Variants in GPR149 observed in about 807,000 individuals in gnomAD.
GPR149 encodes probable G protein-coupled receptor 149.
In GPR149, 50 loss-of-function variants were observed where a neutral mutation model predicts 50.2. That is an observed-to-expected ratio of 1.00 (90% CI 0.79 to 1.26). The LOEUF is 1.26. Among genes scored for constraint, GPR149 ranks in the 50% most tolerant of loss-of-function variants. The pLI, the probability that GPR149 is intolerant of heterozygous loss-of-function variation, is 0.00. For synonymous variants in GPR149, 405 were observed against 358.2 expected (o/e 1.13, Z -1.48); for missense variants, 983 against 895.4 (o/e 1.10, Z -1.25).
At chr3:154,400,043 G>GCGA (rs1711511427) in intron 3 of GPR149, among the ~76,000 whole-genome samples, 1 of 152,124 alleles carries the variant, frequency 6.6e-6, no homozygotes, top group Non-Finnish European at 1.5e-5. Flanking sequence ...CTGGAGTGCG[G>GCGA]TGGCGCGATC....
At chr3:154,410,532 G>C (rs1363245705) in intron 3 of GPR149, among the ~76,000 whole-genome samples, 1 of 152,150 alleles carries the variant, frequency 6.6e-6, no homozygotes, top group Non-Finnish European at 1.5e-5. Flanking sequence ...AAGTGAGCAA[G>C]AGTAGCTATT....
chr3:154,373,592 T>G (rs1397139010), intron 3 of GPR149, among the ~76,000 whole-genome samples: 1 of 152,246 alleles, frequency 6.6e-6, no homozygotes, highest in Non-Finnish European at 1.5e-5. Context: ...AGTCATCAGA[T>G]GTTTTTGTTC....
chr3:154,421,051 T>A lies in GPR149; in HGVS notation c.1611A>T (p.Arg537Ser). Residue 537 changes from arginine (R) to serine (S), a missense_variant, in exon 3 of 4, where the codon AGA (arginine) becomes AGT (serine). Coordinates refer to ENST00000389740, the MANE Select transcript of GPR149 (RefSeq NM_001038705.3). ...DWEWCRSKSE[R>S]TPRQRSGYAL... ...ACTTTTACTGTACCTGACGAGGGGTTCTTTCTGATTTACTCCTACACCACT... is the reference window on the plus strand; with the variant it reads ...ACTTTTACTGTACCTGACGAGGGGTACTTTCTGATTTACTCCTACACCACT... 1.2e-6 allele frequency: 2 copies of A among 1,603,396 alleles called. No homozygotes were observed. Among genetic ancestry groups the A allele is most frequent in the Non-Finnish European group, 1.7e-6 (2 of 1,175,594 alleles).
chr3:154,382,881 A>G (rs1714961983), intron 3 of GPR149, among the ~76,000 whole-genome samples: 1 of 152,238 alleles, frequency 6.6e-6, no homozygotes, highest in Non-Finnish European at 1.5e-5. Context: ...TGAATTAGTC[A>G]TTCAAAAAAT....
intron 3 of GPR149, among the ~76,000 whole-genome samples, chr3:154,414,201 G>A (rs986790168): frequency 3.3e-5 from 5 of 151,900 alleles, no homozygotes; most frequent in East Asian, 3.9e-4. Flanking sequence ...TGCACATTGG[G>A]TACAGTGTAC....
At chr3:154,384,310 A>G (rs900000314) in intron 3 of GPR149, among the ~76,000 whole-genome samples, 1 of 152,234 alleles carries the variant, frequency 6.6e-6, no homozygotes, top group African/African-American at 2.4e-5. Context: ...GAACACCTCA[A>G]GCATAAAAAG....
intron 2 of GPR149, among the ~76,000 whole-genome samples, chr3:154,423,148 G>A (rs1712193713): frequency 6.6e-6 from 1 of 151,898 alleles, no homozygotes; most frequent in South Asian, 2.1e-4. Context: ...ACAAGGGGCA[G>A]TGTGAGGTAG....
intron 2 of GPR149, among the ~76,000 whole-genome samples, chr3:154,423,449 C>T (rs1712201546): frequency 6.6e-6 from 1 of 151,734 alleles, no homozygotes; most frequent in Non-Finnish European, 1.5e-5. Context: ...TTAATGGAAG[C>T]AGAATTACAC....
Position 154,428,892 on chromosome 3 carries a change from G to A in GPR149, c.724C>T (p.Pro242Ser). ...GAAACCACTCTCCCCGCAGTAGGAGGGGTCCCAGGAATTGAAGCTCCACGG... is the reference window on the plus strand; with the variant it reads ...GAAACCACTCTCCCCGCAGTAGGAGAGGTCCCAGGAATTGAAGCTCCACGG... ...ISRGASIPGT[P>S]PTAGRVVSLS... Residue 242 changes from proline to serine, a missense_variant, in exon 1 of 4, where the codon CCT (proline) becomes TCT (serine). Pro to Ser is a moderately conservative substitution (Grantham distance 74). Transcript: ENST00000389740. 1 of 1,614,012 alleles carries A rather than the reference G, an allele frequency of 6.2e-7. No individual in the cohort carries two copies. Among genetic ancestry groups the A allele is most frequent in the Non-Finnish European group, 8.5e-7 (1 of 1,179,960 alleles).
rs372249234 is a variant in GPR149 at position 154,421,427 on chromosome 3, A to G, written c.1235T>C (p.Ile412Thr). 8 of 1,605,086 alleles carry G rather than the reference A, an allele frequency of 5.0e-6. No individual in the cohort carries two copies. In the South Asian group the frequency reaches 7.8e-5, roughly 16 times the overall value. ...SFQKSYGIYKIAHEDYYDDDE... is the reference protein window; with the variant it reads ...SFQKSYGIYKTAHEDYYDDDE... ...ATCATCATAGTAATCTTCATGTGCTATTTTATAAATCCCATAACTTTTTTG... is the reference window on the plus strand; with the variant it reads ...ATCATCATAGTAATCTTCATGTGCTGTTTTATAAATCCCATAACTTTTTTG... Residue 412 changes from isoleucine to threonine, a missense_variant, in exon 3 of 4, where the codon ATA becomes ACA. By Grantham distance (89) the Ile-to-Thr change is moderately conservative. Transcript: ENST00000389740.
intron 3 of GPR149, among the ~76,000 whole-genome samples, chr3:154,417,148 G>GGT (rs769550321): frequency 6.6e-6 from 1 of 151,894 alleles, no homozygotes; most frequent in Non-Finnish European, 1.5e-5. Context: ...GAGTCATACT[G>GGT]GTGGCTATCA....
At chr3:154,367,096 G>C (rs1347240374) in intron 3 of GPR149, among the ~76,000 whole-genome samples, 1 of 152,130 alleles carries the variant, frequency 6.6e-6, no homozygotes, top group African/African-American at 2.4e-5. Flanking sequence ...GAGACTACAC[G>C]CTGCTTCTGA....
chr3:154,418,038 T>A (rs1240221423), intron 3 of GPR149, among the ~76,000 whole-genome samples: 2 of 150,748 alleles, frequency 1.3e-5, no homozygotes, highest in Non-Finnish European at 3.0e-5. Flanking sequence ...AGAAGACATT[T>A]ATGCAGCCAA....
At chr3:154,386,540 A>G (rs1715048209) in intron 3 of GPR149, among the ~76,000 whole-genome samples, 1 of 152,210 alleles carries the variant, frequency 6.6e-6, no homozygotes, top group Admixed American at 6.5e-5. Flanking sequence ...TTGAGCTTGT[A>G]TTCATCTCCT....
chr3:154,399,196 G>A (rs1468910723), intron 3 of GPR149, among the ~76,000 whole-genome samples: 1 of 151,980 alleles, frequency 6.6e-6, no homozygotes, highest in Non-Finnish European at 1.5e-5. Flanking sequence ...CTGGATTTAT[G>A]ATATTTTCCT....
chr3:154,417,608 A>C (rs1712024250), intron 3 of GPR149, among the ~76,000 whole-genome samples: 1 of 152,118 alleles, frequency 6.6e-6, no homozygotes, highest in African/African-American at 2.4e-5. Flanking sequence ...TAAGTGTTTG[A>C]AAGTACAACC....
intron 1 of GPR149, 122 bp downstream of exon 1, chr3:154,428,513 A>C (rs1712372069): frequency 3.6e-6 from 4 of 1,116,360 alleles, no homozygotes; most frequent in Non-Finnish European, 5.2e-6. Context: ...AGCGAGATAC[A>C]CTTGGAAGCG....
intron 3 of GPR149, among the ~76,000 whole-genome samples, chr3:154,384,383 C>A (rs1559981200): frequency 6.6e-6 from 1 of 152,160 alleles, no homozygotes; most frequent in Non-Finnish European, 1.5e-5. Context: ...AGGTACATAC[C>A]TCTACAGCTG....
chr3:154,350,754 G>A (rs1171114758), intron 3 of GPR149, among the ~76,000 whole-genome samples: 2 of 152,124 alleles, frequency 1.3e-5, no homozygotes, highest in Non-Finnish European at 2.9e-5. Context: ...AATAAATACA[G>A]TTGATCTTTG....
Sources: gnomAD v4.1 joint callset for allele counts (sites outside exome capture counted in the v4.1 genomes callset) on GRCh38, gnomAD v4.1.1 for gene constraint, MANE v1.5 for transcripts, NCBI Gene and HGNC (gene_info 2026-07-23, HGNC 2026-07-21) for gene names.